PCDH15: variants seen among roughly 807,000 people sequenced by gnomAD.
PCDH15 encodes protocadherin-15.
Under a neutral mutation model 178.5 loss-of-function variants are expected in PCDH15, and 129 were observed. The ratio of observed to expected loss-of-function variants is 0.72; its 90% confidence interval spans 0.63 to 0.84. The LOEUF (loss-of-function observed/expected upper bound fraction) is 0.84, where lower values mean the gene tolerates loss of function less well. Ranked by LOEUF, PCDH15 falls within the 40% of genes least tolerant of loss-of-function variation. The pLI is 0.00. For missense variants in PCDH15, 2,230 were observed against 2,099.9 expected (o/e 1.06, Z -1.21); for synonymous variants, 800 against 732.0 (o/e 1.09, Z -1.50).
intron 2 of PCDH15, among the ~76,000 whole-genome samples, chr10:55,452,229 C>T (rs375328598): frequency 6.4e-4 from 48 of 74,684 alleles, no homozygotes; most frequent in African/African-American, 4.0e-3. Context: ...ATGAGTGCCT[C>T]TTAAAACCAA....
At chr10:55,471,898 A>T (rs1009063340) in intron 2 of PCDH15, among the ~76,000 whole-genome samples, 3 of 152,160 alleles carry the variant, frequency 2.0e-5, no homozygotes, top group Non-Finnish European at 4.4e-5. Context: ...ATTTCAAATG[A>T]GCCAAACTAA....
At chr10:55,331,686 T>C (rs74978472) in intron 2 of PCDH15, among the ~76,000 whole-genome samples, 2,309 of 152,236 alleles carry the variant, frequency 0.015, 53 homozygotes, top group African/African-American at 0.053. Context: ...TGCGGCTGTA[T>C]ATTTACCTCT....
At chr10:55,069,276 A>G (rs1255771172) in intron 2 of PCDH15, among the ~76,000 whole-genome samples, 1 of 126,000 alleles carries the variant, frequency 7.9e-6, no homozygotes, top group African/African-American at 2.6e-5. Flanking sequence ...CATGTTTAAA[A>G]TAACAATTTT....
At chr10:55,118,953 A>G (rs1412472380) in intron 2 of PCDH15, among the ~76,000 whole-genome samples, 1 of 152,172 alleles carries the variant, frequency 6.6e-6, no homozygotes, top group Admixed American at 6.6e-5. Context: ...TTGCCACCAC[A>G]TAGTGAATCC....
At chr10:54,436,381 G>A (rs1187009531) in intron 3 of PCDH15, among the ~76,000 whole-genome samples, 19 of 151,564 alleles carry the variant, frequency 1.3e-4, no homozygotes, top group African/African-American at 4.6e-4. Flanking sequence ...AATGTGTTTT[G>A]GTTTACTCAT....
chr10:53,883,921 G>T (rs1384419933), intron 26 of PCDH15, among the ~76,000 whole-genome samples: 2 of 152,020 alleles, frequency 1.3e-5, no homozygotes, highest in Non-Finnish European at 2.9e-5. Context: ...TCACCATGTT[G>T]GCCAGGCTGG....
intron 2 of PCDH15, among the ~76,000 whole-genome samples, chr10:54,939,092 T>A (rs994696781): frequency 7.9e-5 from 12 of 152,330 alleles, no homozygotes; most frequent in Non-Finnish European, 1.8e-4. Context: ...TTTGGTATTT[T>A]TTTTGCAGCA....
intron 4 of PCDH15, among the ~76,000 whole-genome samples, chr10:54,369,591 G>T (rs1249457176): frequency 6.6e-6 from 1 of 151,894 alleles, no homozygotes; most frequent in Non-Finnish European, 1.5e-5. Flanking sequence ...GATTAAAGAA[G>T]CAATAATATA....
intron 1 of PCDH15, among the ~76,000 whole-genome samples, chr10:55,292,486 A>C (rs909394357): frequency 2.0e-5 from 3 of 152,042 alleles, no homozygotes; most frequent in Non-Finnish European, 2.9e-5. Flanking sequence ...GGTTCAAGCA[A>C]TTCTCCAGCT....
At chr10:54,709,934 C>A (rs1384229500) in intron 1 of PCDH15, among the ~76,000 whole-genome samples, 1 of 142,342 alleles carries the variant, frequency 7.0e-6, no homozygotes, top group African/African-American at 2.6e-5. Context: ...TTTTTTAACA[C>A]CTTTATGTAT....
chr10:55,017,336 C>A (rs1377309434), intron 2 of PCDH15, among the ~76,000 whole-genome samples: 3 of 152,046 alleles, frequency 2.0e-5, no homozygotes, highest in Non-Finnish European at 4.4e-5. Context: ...TATAGTTTAA[C>A]TTATATGATA....
At chr10:53,886,374 C>A (rs775792781) in intron 26 of PCDH15, among the ~76,000 whole-genome samples, 1 of 152,092 alleles carries the variant, frequency 6.6e-6, no homozygotes, top group African/African-American at 2.4e-5. Context: ...TTTTGGAAAA[C>A]GGTTAGACTT....
intron 14 of PCDH15, among the ~76,000 whole-genome samples, chr10:54,144,687 T>C (rs2043738304): frequency 6.6e-6 from 1 of 152,158 alleles, no homozygotes; most frequent in Admixed American, 6.6e-5. Flanking sequence ...GCTTTCTGCA[T>C]GGTTAGCAGC....
At chr10:55,168,710 C>T (rs1268187933) in intron 1 of PCDH15, among the ~76,000 whole-genome samples, 1 of 152,032 alleles carries the variant, frequency 6.6e-6, no homozygotes, top group Non-Finnish European at 1.5e-5. Flanking sequence ...GCATTTAATG[C>T]CTTCAGGTCA....
intron 20 of PCDH15, among the ~76,000 whole-genome samples, chr10:54,006,909 C>T (rs866771566): frequency 7.9e-5 from 12 of 152,246 alleles, no homozygotes; most frequent in Admixed American, 2.0e-4. Context: ...GACAGGCAAA[C>T]ACAACCAAGG....
chr10:53,885,328 G>A (rs961887521), intron 26 of PCDH15, among the ~76,000 whole-genome samples: 7 of 151,848 alleles, frequency 4.6e-5, no homozygotes, highest in African/African-American at 1.7e-4. Flanking sequence ...ACATTAATTA[G>A]TATAATATAA....
At chr10:55,274,464 T>C (rs1770699291) in intron 1 of PCDH15, among the ~76,000 whole-genome samples, 3 of 152,034 alleles carry the variant, frequency 2.0e-5, no homozygotes, top group Non-Finnish European at 2.9e-5. Context: ...GGAACTAACC[T>C]TAAGAGAAAG....
chr10:54,463,606 C>G (rs929449309), intron 3 of PCDH15, among the ~76,000 whole-genome samples: 1 of 152,124 alleles, frequency 6.6e-6, no homozygotes, highest in African/African-American at 2.4e-5. Context: ...ATAAAACTGT[C>G]TGAGTACTGT....
At chr10:54,899,170 A>C (rs1007183543) in intron 2 of PCDH15, among the ~76,000 whole-genome samples, 12 of 152,184 alleles carry the variant, frequency 7.9e-5, no homozygotes, top group Admixed American at 2.0e-4. Flanking sequence ...TTATTTGTGG[A>C]AATTAGATGA....
Sources: gnomAD v4.1 joint callset for allele counts (sites outside exome capture counted in the v4.1 genomes callset) on GRCh38, gnomAD v4.1.1 for gene constraint, MANE v1.5 for transcripts, NCBI Gene and HGNC (gene_info 2026-07-23, HGNC 2026-07-21) for gene names.